The following GPR158 variants were observed in gnomAD, a reference collection of about 807,000 sequenced individuals.
The protein encoded by GPR158 is metabotropic glycine receptor.
In GPR158, 30 loss-of-function variants were observed where a neutral mutation model predicts 78.2. That is an observed-to-expected ratio of 0.38 (90% CI 0.29 to 0.52). The LOEUF (loss-of-function observed/expected upper bound fraction) is 0.52, where lower values mean the gene tolerates loss of function less well. GPR158 is among the 20% of genes least tolerant of loss of function. The probability of loss-of-function intolerance (pLI) is 0.83; values close to 1 mark genes in which losing one functional copy is unlikely to be tolerated. For synonymous variants in GPR158, 581 were observed against 591.1 expected (o/e 0.98, Z 0.25); for missense variants, 1,463 against 1,523.5 (o/e 0.96, Z 0.66).
At chr10:25,578,347 C>G (rs1057086146) in intron 7 of GPR158, among the ~76,000 whole-genome samples, 5 of 152,216 alleles carry the variant, frequency 3.3e-5, no homozygotes, top group African/African-American at 1.2e-4. Flanking sequence ...AAGCAGTCAG[C>G]TGTCTTTATC....
chr10:25,258,054 C>T (rs1040803370), intron 2 of GPR158, among the ~76,000 whole-genome samples: 1 of 152,072 alleles, frequency 6.6e-6, no homozygotes, highest in Non-Finnish European at 1.5e-5. Flanking sequence ...AAAAATAATC[C>T]CCTAGTCTCT....
At chr10:25,229,212 C>T (rs750979319) in intron 2 of GPR158, among the ~76,000 whole-genome samples, 2 of 152,038 alleles carry the variant, frequency 1.3e-5, no homozygotes, top group Non-Finnish European at 2.9e-5. Context: ...TGGAGAAAGA[C>T]AATTTGAAGA....
At chr10:25,481,424 T>C in intron 5 of GPR158, among the ~76,000 whole-genome samples, 1 of 152,144 alleles carries the variant, frequency 6.6e-6, no homozygotes, top group Non-Finnish European at 1.5e-5. Flanking sequence ...AAACCAGATA[T>C]CTGGATTGAC....
Position 25,348,396 on chromosome 10 carries a change from GACACACACACACACACACACAC to G in GPR158, c.1009-47496_1009-47475del, listed in dbSNP as rs34088676. 2.8e-5 allele frequency among the ~76,000 whole-genome samples: 4 copies of G among 141,786 alleles called. No individual in the cohort carries two copies. The East Asian group carries it at 8.4e-4, about 30-fold the overall frequency. The allele number at this position is 141,786 out of a possible 152,430, so 93.0% of individuals were successfully genotyped here. On this transcript the variant is annotated intron_variant, in intron 2 of 10. Transcript: ENST00000376351. ...CCAGAAATGAAATTTTAGGAAGAAA[GACACACACACACACACACACAC>G]ACACACACACACACACACGGAAAAA...
At chr10:25,333,792 G>A (rs1001085719) in intron 2 of GPR158, among the ~76,000 whole-genome samples, 1 of 152,030 alleles carries the variant, frequency 6.6e-6, no homozygotes, top group African/African-American at 2.4e-5. Context: ...CCTAAGAGAA[G>A]ATAGTACAAA....
intron 4 of GPR158, among the ~76,000 whole-genome samples, chr10:25,434,959 C>A (rs1339831006): frequency 6.6e-6 from 1 of 152,082 alleles, no homozygotes; most frequent in Non-Finnish European, 1.5e-5. Flanking sequence ...TGTTAGAGAG[C>A]ACACATACAT....
intron 6 of GPR158, among the ~76,000 whole-genome samples, chr10:25,561,494 A>G (rs1836860070): frequency 1.3e-5 from 2 of 152,212 alleles, no homozygotes; most frequent in Admixed American, 1.3e-4. Flanking sequence ...ATTGTTTGAA[A>G]TATCTTTCTG....
At chr10:25,540,948 ATATATAT>A (rs1564484206) in intron 5 of GPR158, among the ~76,000 whole-genome samples, 55 of 17,380 alleles carry the variant, frequency 3.2e-3, no homozygotes, top group African/African-American at 8.6e-3. Flanking sequence ...TAATAAAAAT[ATATATAT>A]ATATATATAT....
intron 5 of GPR158, among the ~76,000 whole-genome samples, chr10:25,529,556 T>A (rs1836395446): frequency 6.6e-6 from 1 of 152,172 alleles, no homozygotes; most frequent in African/African-American, 2.4e-5. Flanking sequence ...ACTCAGATAT[T>A]GCCTTTACTT....
At chr10:25,417,912 T>A (rs1773682) in intron 4 of GPR158, among the ~76,000 whole-genome samples, 3 of 151,994 alleles carry the variant, frequency 2.0e-5, no homozygotes, top group African/African-American at 7.3e-5. Context: ...ATTCATAAAA[T>A]CTTAGTTGAC....
chr10:25,355,495 T>C (rs1855537267), intron 2 of GPR158, among the ~76,000 whole-genome samples: 1 of 152,212 alleles, frequency 6.6e-6, no homozygotes, highest in South Asian at 2.1e-4. Flanking sequence ...GTCAGAGAAT[T>C]CATATATCAC....
intron 3 of GPR158, among the ~76,000 whole-genome samples, chr10:25,400,716 G>C (rs951822963): frequency 1.3e-5 from 2 of 152,122 alleles, no homozygotes; most frequent in African/African-American, 4.8e-5. Flanking sequence ...TCTTAGTATG[G>C]ATTCTGTCTT....
intron 1 of GPR158, among the ~76,000 whole-genome samples, chr10:25,204,349 C>T (rs953610568): frequency 2.6e-5 from 4 of 152,170 alleles, no homozygotes; most frequent in African/African-American, 4.8e-5. Context: ...AAAGGGAAAG[C>T]TTCCAGTTTT....
chr10:25,446,596 G>A lies in GPR158; in HGVS notation c.1336-20055G>A, dbSNP rs186801269. 1.2e-4 allele frequency among the ~76,000 whole-genome samples: 19 copies of A among 152,156 alleles called. No homozygotes were observed. In the East Asian group the frequency reaches 3.3e-3, roughly 26 times the overall value. ...CTTCTTGTATTTTATCTGGCATATG[G>A]TCCATTTGTGTTAACGGCTAGAAGT... On this transcript the variant is annotated intron_variant, in intron 4 of 10. Coordinates refer to ENST00000376351, the MANE Select transcript of GPR158 (RefSeq NM_020752.3).
intron 5 of GPR158, among the ~76,000 whole-genome samples, chr10:25,543,768 G>T (rs1377034753): frequency 2.0e-5 from 3 of 152,156 alleles, no homozygotes; most frequent in South Asian, 2.1e-4. Context: ...ATAATGGCCT[G>T]CAGTTCCATC....
chr10:25,319,755 T>A (rs1321366201), intron 2 of GPR158, among the ~76,000 whole-genome samples: 2 of 152,016 alleles, frequency 1.3e-5, no homozygotes, highest in Admixed American at 1.3e-4. Context: ...TACTTTTAGC[T>A]CAAGTCCTGT....
At chr10:25,551,491 T>A (rs1219948047) in intron 6 of GPR158, among the ~76,000 whole-genome samples, 7 of 152,168 alleles carry the variant, frequency 4.6e-5, no homozygotes, top group Admixed American at 4.6e-4. Context: ...CATTCCCAAG[T>A]TCCATACCCC....
At chr10:25,429,468 AT>A (rs1452464094) in intron 4 of GPR158, among the ~76,000 whole-genome samples, 1 of 152,012 alleles carries the variant, frequency 6.6e-6, no homozygotes, top group Admixed American at 6.6e-5. Context: ...TCAAATGTTT[AT>A]TTTTTCTTGT....
intron 4 of GPR158, among the ~76,000 whole-genome samples, chr10:25,458,270 AC>A (rs1245738036): frequency 6.6e-6 from 1 of 152,222 alleles, no homozygotes; most frequent in African/African-American, 2.4e-5. Context: ...TTTAGTTAAG[AC>A]CGTCAAGAAT....
Sources: allele counts gnomAD v4.1 joint callset (sites outside exome capture counted in the v4.1 genomes callset), GRCh38; gene constraint gnomAD v4.1.1; transcripts MANE v1.5; gene names NCBI Gene and HGNC (gene_info 2026-07-23, HGNC 2026-07-21).